EHBP1: variants seen among roughly 807,000 people sequenced by gnomAD.
EHBP1 encodes the protein EH domain-binding protein 1.
In EHBP1, 55 loss-of-function variants were observed where a neutral mutation model predicts 144.0. The ratio of observed to expected loss-of-function variants is 0.38; its 90% CI spans 0.31 to 0.48. The LOEUF (loss-of-function observed/expected upper bound fraction) is 0.48. Ranked by LOEUF, EHBP1 falls within the 20% of genes least tolerant of loss-of-function variation. The pLI is 0.98. For missense variants in EHBP1, 1,200 were observed against 1,364.2 expected, an observed-to-expected ratio of 0.88 and a Z score of 1.90; for synonymous variants, 469 against 472.7, an observed-to-expected ratio of 0.99 and a Z score of 0.10.
chr2:62,685,843 A>G (rs1378927696), intron 1 of EHBP1, among the ~76,000 whole-genome samples: 1 of 152,154 alleles, frequency 6.6e-6, no homozygotes, highest in Non-Finnish European at 1.5e-5. Flanking sequence ...TGAGATCATC[A>G]TCCTGATTAC....
exon 1 of EHBP1, chr2:62,673,985 GC>G: frequency 2.1e-6 from 1 of 470,298 alleles, no homozygotes; most frequent in South Asian, 1.6e-5. Context: ...AGGTTAGCAT[GC>G]CCCTGTAGCA....
Position 62,948,290 on chromosome 2 carries a change from T to C in EHBP1, c.1444T>C (p.Ser482Pro). ...CGATGGATTTGCCAGCATAGGAATT[T>C]CCCGATTATTGGAACCTTCTGATAT... Reference protein sequence around the residue: ...AYDGFASIGISRLLEPSDMVL... With the variant: ...AYDGFASIGIPRLLEPSDMVL... The change falls in exon 13 of 23, where the codon TCC (serine) becomes CCC (proline). Residue 482 changes from serine to proline, a missense_variant. Coordinates refer to ENST00000431489, the MANE Select transcript of EHBP1 (RefSeq NM_001142616.3). The C allele has an allele frequency of 6.3e-7, 1 of 1,582,934 alleles. No individual in the cohort carries two copies. Among genetic ancestry groups the C allele is most frequent in the Non-Finnish European group, 8.6e-7 (1 of 1,164,396 alleles).
intron 5 of EHBP1, among the ~76,000 whole-genome samples, chr2:62,773,911 A>T (rs1156301137): frequency 2.0e-5 from 3 of 150,372 alleles, no homozygotes; most frequent in Non-Finnish European, 4.4e-5. Flanking sequence ...AACGTGAGTA[A>T]CATCCATCAA....
At chr2:62,995,695 TTA>T (rs1218853218) in intron 18 of EHBP1, among the ~76,000 whole-genome samples, 7 of 152,022 alleles carry the variant, frequency 4.6e-5, no homozygotes, top group Non-Finnish European at 1.5e-5. Flanking sequence ...TCTTAGCTAA[TTA>T]GATCTCTTAG....
At chr2:62,909,545 G>A (rs2054046857) in intron 10 of EHBP1, among the ~76,000 whole-genome samples, 8 of 152,104 alleles carry the variant, frequency 5.3e-5, no homozygotes, top group Admixed American at 3.3e-4. Flanking sequence ...CAGAAAGTGA[G>A]CAGAAGTTTT....
chr2:62,819,777 A>C (rs1028430555), intron 5 of EHBP1, among the ~76,000 whole-genome samples: 25 of 152,072 alleles, frequency 1.6e-4, no homozygotes, highest in East Asian at 3.9e-4. Context: ...AAAACAAAAA[A>C]AAAAAAACCC....
intron 5 of EHBP1, among the ~76,000 whole-genome samples, chr2:62,799,953 C>G (rs1469390730): frequency 6.6e-6 from 1 of 152,144 alleles, no homozygotes; most frequent in Non-Finnish European, 1.5e-5. Flanking sequence ...CTGTCACATT[C>G]AAAGTATATT....
At chr2:62,886,764 A>G (rs542932958) in intron 10 of EHBP1, among the ~76,000 whole-genome samples, 251 of 152,174 alleles carry the variant, frequency 1.6e-3, no homozygotes, top group Non-Finnish European at 3.0e-3. Flanking sequence ...GGAATTTCCT[A>G]CCTCCCCTGT....
intron 19 of EHBP1, among the ~76,000 whole-genome samples, chr2:63,026,193 C>CT (rs1448207460): frequency 6.6e-6 from 1 of 152,090 alleles, no homozygotes; most frequent in African/African-American, 2.4e-5. Context: ...CAGAAAAACT[C>CT]TGACACTCTG....
At chr2:62,679,963 A>G (rs1312028618) in intron 1 of EHBP1, among the ~76,000 whole-genome samples, 1 of 152,234 alleles carries the variant, frequency 6.6e-6, no homozygotes, top group African/African-American at 2.4e-5. Flanking sequence ...CGTACTTAGC[A>G]TGTTAATCCC....
chr2:63,004,540 T>G (rs765019907), intron 19 of EHBP1, among the ~76,000 whole-genome samples: 1 of 152,048 alleles, frequency 6.6e-6, no homozygotes, highest in Non-Finnish European at 1.5e-5. Flanking sequence ...AAGTAAATAC[T>G]TTGGGAACAT....
At chr2:63,035,576 C>T (rs1559098348) in intron 19 of EHBP1, among the ~76,000 whole-genome samples, 1 of 151,954 alleles carries the variant, frequency 6.6e-6, no homozygotes, top group Non-Finnish European at 1.5e-5. Flanking sequence ...TGCCTGAAAA[C>T]CTCAAATTAT....
At position 62,979,196 on chromosome 2, in the gene EHBP1, T is replaced by C. The variant is rs573347418; in HGVS notation, c.2469T>C (p.Asp823=). 1.7e-5 allele frequency: 27 copies of C among 1,612,722 alleles called. No homozygotes were observed. In the Admixed American group the frequency reaches 3.5e-4, roughly 21 times the overall value. The change falls in exon 15 of 23, where the codon GAT becomes GAC. Residue 823 remains aspartate (D), a synonymous_variant. Coordinates refer to ENST00000431489, the MANE Select transcript of EHBP1 (RefSeq NM_001142616.3). ...FCNRQLSDQQ[D]EERRRQLRER... Reference sequence around the variant, plus strand: ...TGTTCAATATATCTTAGCAGCAAGATGAAGAGCGACGTCGGCAGCTGAGAG... The same window carrying C: ...TGTTCAATATATCTTAGCAGCAAGACGAAGAGCGACGTCGGCAGCTGAGAG...
intron 10 of EHBP1, among the ~76,000 whole-genome samples, chr2:62,914,737 C>G (rs571073369): frequency 2.4e-4 from 36 of 152,058 alleles, no homozygotes; most frequent in African/African-American, 8.7e-4. Context: ...AAACTATATA[C>G]TTTAACAGGG....
chr2:62,784,913 C>T (rs531624687), intron 5 of EHBP1, among the ~76,000 whole-genome samples: 2 of 152,190 alleles, frequency 1.3e-5, no homozygotes, highest in Admixed American at 6.5e-5. Context: ...GCCCACTGGA[C>T]CCTCTATGAT....
At chr2:62,738,576 A>G (rs1299184111) in intron 2 of EHBP1, among the ~76,000 whole-genome samples, 4 of 152,146 alleles carry the variant, frequency 2.6e-5, no homozygotes, top group Admixed American at 6.5e-5. Context: ...TCTGTCTCAA[A>G]GCATCCAGCA....
intron 7 of EHBP1, among the ~76,000 whole-genome samples, chr2:62,840,295 G>A (rs1179820903): frequency 6.9e-6 from 1 of 145,270 alleles, no homozygotes. Context: ...TATGTAGGAA[G>A]CTGAAACTGG....
At chr2:62,730,875 C>T (rs1432663497) in intron 2 of EHBP1, among the ~76,000 whole-genome samples, 1 of 135,134 alleles carries the variant, frequency 7.4e-6, no homozygotes, top group Non-Finnish European at 1.6e-5. Flanking sequence ...GACAGGCAGG[C>T]AGAGAAAGAG....
Position 62,830,962 on chromosome 2 carries a change from AT to A in EHBP1, c.495-56del, listed in dbSNP as rs1180220887. The A allele has an allele frequency of 1.9e-6, 3 of 1,547,860 alleles. No homozygotes were observed. The African/African-American group carries it at 4.2e-5, about 22-fold the overall frequency. ...GAATTTATTGTTTTCTTAAGAAACCATCATTTTTCTAACTGTCATTTAGTAC... is the reference window on the plus strand; with the variant it reads ...GAATTTATTGTTTTCTTAAGAAACCACATTTTTCTAACTGTCATTTAGTAC... On this transcript the variant is annotated intron_variant, in intron 6 of 22. Coordinates refer to ENST00000431489, the MANE Select transcript of EHBP1 (RefSeq NM_001142616.3).
Sources: allele counts gnomAD v4.1 joint callset (sites outside exome capture counted in the v4.1 genomes callset), GRCh38; gene constraint gnomAD v4.1.1; transcripts MANE v1.5; gene names NCBI Gene and HGNC (gene_info 2026-07-23, HGNC 2026-07-21).